INPP4B: variants seen among roughly 807,000 people sequenced by gnomAD.
INPP4B encodes the protein inositol polyphosphate 4-phosphatase type II.
INPP4B carries 55 observed loss-of-function variants against 122.5 expected under a neutral mutation model. That is an observed-to-expected ratio of 0.45 (90% CI 0.36 to 0.56). INPP4B has a LOEUF of 0.56. Ranked by LOEUF, INPP4B falls within the 20% of genes least tolerant of loss-of-function variation. INPP4B has a pLI of 0.00. For missense variants in INPP4B, 1,000 were observed against 1,097.7 expected, an observed-to-expected ratio of 0.91 and a Z score of 1.26; for synonymous variants, 403 against 388.7, an observed-to-expected ratio of 1.04 and a Z score of -0.43.
chr4:142,409,383 C>T (rs1048891917), intron 5 of INPP4B, among the ~76,000 whole-genome samples: 20 of 152,086 alleles, frequency 1.3e-4, no homozygotes, highest in Non-Finnish European at 2.5e-4. Context: ...ATCCCAGCTA[C>T]TCGGAGGGCT....
At chr4:142,101,286 T>C (rs111640834) in intron 23 of INPP4B, among the ~76,000 whole-genome samples, 1 of 152,124 alleles carries the variant, frequency 6.6e-6, no homozygotes, top group African/African-American at 2.4e-5. Context: ...TGTACCCTTT[T>C]TTGTTTATGG....
chr4:142,574,191 G>A (rs1179334807), intron 2 of INPP4B, among the ~76,000 whole-genome samples: 3 of 152,064 alleles, frequency 2.0e-5, no homozygotes, highest in Non-Finnish European at 4.4e-5. Context: ...TTCCAGCTAA[G>A]TTTTCCACTC....
intron 2 of INPP4B, among the ~76,000 whole-genome samples, chr4:142,675,221 C>T (rs1387802068): frequency 1.1e-4 from 16 of 152,112 alleles, no homozygotes. Context: ...CTATAAACAC[C>T]TCTATGCAAA....
chr4:142,122,129 G>A lies in INPP4B; in HGVS notation c.2134C>T (p.Arg712Ter), dbSNP rs1364646936. 1.3e-6 allele frequency: 2 copies of A among 1,594,852 alleles called. No homozygotes were observed. The highest frequency in any genetic ancestry group is 8.6e-7 in the Non-Finnish European group (1 of 1,164,586). Residue 712 changes from arginine (R) to a stop codon, truncating the protein, a stop_gained and splice_region_variant, in exon 21 of 26, where the codon CGA becomes TGA. Coordinates refer to ENST00000262992, the MANE Select transcript of INPP4B (RefSeq NM_001101669.3). LOFTEE classifies it high-confidence loss of function. The part of the protein sequence containing the change: ...NDVLPVITGR[R>*]EHYVVEVKLP... The stretch of plus-strand genomic sequence containing the variant: ...CTTCAGGAAGTGAGCACTGCTTACC[G>A]TCTTCCTGTTATAACTGGCAACACA...
At chr4:142,573,203 A>G (rs550138348) in intron 2 of INPP4B, among the ~76,000 whole-genome samples, 135 of 152,138 alleles carry the variant, frequency 8.9e-4, no homozygotes, top group African/African-American at 3.2e-3. Context: ...TCGCTATCAC[A>G]AGAACAGCAA....
chr4:142,498,019 A>G (rs1274445826), intron 2 of INPP4B, among the ~76,000 whole-genome samples: 1 of 152,070 alleles, frequency 6.6e-6, no homozygotes, highest in Non-Finnish European at 1.5e-5. Flanking sequence ...TTATGCATAT[A>G]TAATTTGTTT....
intron 11 of INPP4B, among the ~76,000 whole-genome samples, chr4:142,249,833 C>G (rs961671196): frequency 1.3e-5 from 2 of 152,126 alleles, no homozygotes; most frequent in African/African-American, 4.8e-5. Flanking sequence ...GACTTAGGCA[C>G]CAAACTCCAT....
At chr4:142,311,860 C>T (rs370583563) in intron 8 of INPP4B, among the ~76,000 whole-genome samples, 2 of 152,124 alleles carry the variant, frequency 1.3e-5, no homozygotes, top group African/African-American at 4.8e-5. Context: ...AATGTGCTAC[C>T]TGGGGTACCA....
intron 2 of INPP4B, among the ~76,000 whole-genome samples, chr4:142,667,135 T>A (rs1461253044): frequency 6.6e-6 from 1 of 152,232 alleles, no homozygotes; most frequent in Non-Finnish European, 1.5e-5. Flanking sequence ...GATGAGGGCA[T>A]CAGTAAAACT....
At chr4:142,094,032 A>ATTT (rs1448039521) in intron 23 of INPP4B, among the ~76,000 whole-genome samples, 4 of 152,226 alleles carry the variant, frequency 2.6e-5, no homozygotes, top group Non-Finnish European at 4.4e-5. Context: ...CGACGATAAC[A>ATTT]TATTTTTTTC....
chr4:142,395,280 T>A (rs997336711), intron 7 of INPP4B, among the ~76,000 whole-genome samples: 3 of 152,140 alleles, frequency 2.0e-5, no homozygotes, highest in Non-Finnish European at 4.4e-5. Flanking sequence ...AAAATGCAAA[T>A]GTATGGATAG....
intron 2 of INPP4B, among the ~76,000 whole-genome samples, chr4:142,575,791 TA>T (rs1293415830): frequency 6.6e-6 from 1 of 152,004 alleles, no homozygotes; most frequent in Non-Finnish European, 1.5e-5. Context: ...AAATATGACA[TA>T]AACAATGCTA....
At chr4:142,036,875 C>T (rs1744288812) in intron 25 of INPP4B, among the ~76,000 whole-genome samples, 4 of 152,170 alleles carry the variant, frequency 2.6e-5, no homozygotes, top group Admixed American at 2.6e-4. Context: ...GACTTTGGGA[C>T]TGCTTCCTAC....
chr4:142,090,181 TTTCCCCA>T lies in INPP4B; in HGVS notation c.2375-3932_2375-3926del, dbSNP rs1413658826. Among the ~76,000 whole-genome samples the T allele has an allele frequency of 1.1e-4, 16 of 152,310 alleles. No homozygotes were observed. The East Asian group carries it at 2.9e-3, about 28-fold the overall frequency. On this transcript the variant is annotated intron_variant, in intron 23 of 25. Coordinates refer to ENST00000262992, the MANE Select transcript of INPP4B (RefSeq NM_001101669.3). ...ATGTAAATCAAGCACCTGGCCATCC[TTTCCCCA>T]TTCCCACCTCATAAAGAGAGTGTGT...
intron 1 of INPP4B, among the ~76,000 whole-genome samples, chr4:142,819,467 G>T: frequency 6.6e-6 from 1 of 152,080 alleles, no homozygotes; most frequent in Non-Finnish European, 1.5e-5. Context: ...ATGGCAACTA[G>T]AAAATTCAAA....
intron 10 of INPP4B, 150 bp downstream of exon 10, chr4:142,270,513 A>G (rs1464191039): frequency 4.8e-6 from 3 of 624,118 alleles, no homozygotes; most frequent in Non-Finnish European, 8.6e-6. Context: ...AGGCTGAAAC[A>G]CACATATTGT....
At chr4:142,624,922 A>G (rs1163985994) in intron 2 of INPP4B, among the ~76,000 whole-genome samples, 1 of 152,040 alleles carries the variant, frequency 6.6e-6, no homozygotes, top group Non-Finnish European at 1.5e-5. Context: ...CCTTTGACAA[A>G]ATTCAACAAC....
rs141720518 is a variant in INPP4B, at chr4:142,142,402, T to A, written c.1720+3438A>T. Among the ~76,000 whole-genome samples, 548 of 152,196 alleles carry A rather than the reference T, an allele frequency of 3.6e-3. 5 individuals are homozygous for A. Among genetic ancestry groups the A allele is most frequent in the Non-Finnish European group, 4.1e-3 (276 of 67,974 alleles). On this transcript the variant is annotated intron_variant, in intron 18 of 25. Coordinates refer to ENST00000262992, the MANE Select transcript of INPP4B (RefSeq NM_001101669.3). ...CTTTTAGATCCTGTTAGTTAGAGTGTCTTTTGTTATAGAGAACCATGAAAA... is the reference window on the plus strand; with the variant it reads ...CTTTTAGATCCTGTTAGTTAGAGTGACTTTTGTTATAGAGAACCATGAAAA...
intron 17 of INPP4B, among the ~76,000 whole-genome samples, chr4:142,155,858 G>C (rs746355607): frequency 6.6e-5 from 10 of 151,414 alleles, no homozygotes; most frequent in Non-Finnish European, 5.9e-5. Context: ...TATCTATGGA[G>C]TCTATTAATA....
Sources: gnomAD v4.1 joint callset for allele counts (sites outside exome capture counted in the v4.1 genomes callset) on GRCh38, gnomAD v4.1.1 for gene constraint, MANE v1.5 for transcripts, NCBI Gene and HGNC (gene_info 2026-07-23, HGNC 2026-07-21) for gene names.